Variants in CELF2 observed in about 807,000 individuals in gnomAD.
The protein encoded by CELF2 is CUG triplet repeat RNA-binding protein 2.
In CELF2, 8 loss-of-function variants were observed where a neutral mutation model predicts 62.6. The ratio of observed to expected loss-of-function variants is 0.13; its 90% confidence interval spans 0.07 to 0.23. The LOEUF (loss-of-function observed/expected upper bound fraction) is 0.23. CELF2 is among the 10% of genes least tolerant of loss of function. CELF2 has a pLI of 1.00. For missense variants in CELF2, 333 were observed against 671.0 expected (o/e 0.50, Z 5.56); for synonymous variants, 258 against 250.0 (o/e 1.03, Z -0.30).
intron 2 of CELF2, chr10:10,920,031 C>T (rs1272055049): frequency 4.9e-6 from 6 of 1,220,972 alleles, no homozygotes; most frequent in East Asian, 3.2e-5. Context: ...ATTCTATGCC[C>T]GATTTCTTAT....
chr10:10,754,259 C>T, the CELF2 span, among the ~76,000 whole-genome samples: 3 of 151,892 alleles, frequency 2.0e-5, no homozygotes, highest in Non-Finnish European at 4.4e-5. Context: ...ATCCTCCCAC[C>T]TCTGCCTCCC....
intron 1 of CELF2, among the ~76,000 whole-genome samples, chr10:11,025,732 G>A (rs954555103): frequency 6.6e-6 from 1 of 152,136 alleles, no homozygotes; most frequent in African/African-American, 2.4e-5. Flanking sequence ...TTGTGTTTTT[G>A]GATTATTACC....
At chr10:10,858,515 A>C (rs1335046504) in intron 1 of CELF2, among the ~76,000 whole-genome samples, 1 of 152,104 alleles carries the variant, frequency 6.6e-6, no homozygotes, top group Non-Finnish European at 1.5e-5. Context: ...ATCCTATCTA[A>C]ATACCCCTTT....
chr10:11,216,993 T>C (rs1254888820), intron 2 of CELF2, among the ~76,000 whole-genome samples: 2 of 152,254 alleles, frequency 1.3e-5, no homozygotes, highest in Non-Finnish European at 2.9e-5. Flanking sequence ...GTCTGAAGCT[T>C]TGAGTTTAGA....
intron 2 of CELF2, among the ~76,000 whole-genome samples, chr10:11,173,810 G>A (rs1387574195): frequency 6.6e-6 from 1 of 152,124 alleles, no homozygotes; most frequent in Non-Finnish European, 1.5e-5. Context: ...TATGATCTTC[G>A]AAACCATTGG....
intron 1 of CELF2, among the ~76,000 whole-genome samples, chr10:11,064,672 C>G (rs375268380): frequency 6.6e-6 from 1 of 152,066 alleles, no homozygotes; most frequent in Non-Finnish European, 1.5e-5. Context: ...CCAATCTCTT[C>G]CCCACCCCCC....
chr10:10,557,630 T>G, the CELF2 span, among the ~76,000 whole-genome samples: 8 of 152,212 alleles, frequency 5.3e-5, no homozygotes, highest in East Asian at 1.9e-4. Context: ...TGGGCAGTAT[T>G]GCCATTTTCA....
rs1233137263 is a variant in CELF2 at position 11,285,778 on chromosome 10, CTGTT to C, written c.842-2632_842-2629del. Among the ~76,000 whole-genome samples, 6 of 151,610 alleles carry C rather than the reference CTGTT, an allele frequency of 4.0e-5. No homozygotes were observed. The highest frequency in any genetic ancestry group is 2.1e-4 in the South Asian group (1 of 4,814). On this transcript the variant is annotated intron_variant, in intron 8 of 12. Coordinates refer to ENST00000633077, the MANE Select transcript of CELF2 (RefSeq NM_001326342.2). This position sits in a 1 kb window ranked among gnomAD's most constrained non-coding sequence, Gnocchi z 4.3. Reference sequence around the variant, plus strand: ...GTAAATGTCAAACTTGTCTGTTACCCTGTTTGTTTGTCTTACATAGATTTGCTCA... The same window carrying C: ...GTAAATGTCAAACTTGTCTGTTACCCTGTTTGTCTTACATAGATTTGCTCA...
chr10:10,619,800 G>A, the CELF2 span, among the ~76,000 whole-genome samples: 1 of 152,156 alleles, frequency 6.6e-6, no homozygotes, highest in African/African-American at 2.4e-5. Flanking sequence ...GACCCCATGG[G>A]CTTACATACC....
intron 9 of CELF2, among the ~76,000 whole-genome samples, chr10:11,291,963 T>A (rs1046075158): frequency 6.6e-6 from 1 of 152,246 alleles, no homozygotes; most frequent in Non-Finnish European, 1.5e-5. Flanking sequence ...CCACTGAACT[T>A]CTTCTGTCTT....
chr10:10,904,821 A>T (rs772576380), intron 1 of CELF2, among the ~76,000 whole-genome samples: 9 of 152,214 alleles, frequency 5.9e-5, no homozygotes, highest in Non-Finnish European at 1.0e-4. Context: ...ATGTGCATAT[A>T]TACACCTTTG....
chr10:11,054,489 T>TTGTGTGTGTGTG (rs35465939), intron 1 of CELF2, among the ~76,000 whole-genome samples: 45 of 149,582 alleles, frequency 3.0e-4, no homozygotes, highest in East Asian at 2.4e-3. Context: ...GTATGTGTGT[T>TTGTGTGTGTGTG]TGTGTGTGTG....
intron 1 of CELF2, among the ~76,000 whole-genome samples, chr10:11,058,492 AGTCTTGTTCT>A (rs2065905960): frequency 1.0e-5 from 1 of 97,918 alleles, no homozygotes; most frequent in South Asian, 3.8e-4. Context: ...TTTGTGATGG[AGTCTTGTTCT>A]GTCACCCAGG....
Position 11,318,417 on chromosome 10 carries a change from G to C in CELF2, c.1097-2772G>C. 1 of 283,088 alleles carries C rather than the reference G, an allele frequency of 3.5e-6. No homozygotes were observed. Among genetic ancestry groups the C allele is most frequent in the Non-Finnish European group, 6.9e-6 (1 of 144,746 alleles). The allele number at this position is 283,088 out of a possible 1,614,324, so 17.5% of individuals were successfully genotyped here. A position where few individuals can be genotyped will look rare whatever the true frequency, so the allele number is the denominator to read the frequency against. On this transcript the variant is annotated intron_variant, in intron 10 of 12. Coordinates refer to ENST00000633077, the MANE Select transcript of CELF2 (RefSeq NM_001326342.2). The surrounding 1 kb of genome is among the most constrained non-coding windows in gnomAD (Gnocchi z 5.4). ...TTGAGCATCTGCATCCCTTGCTCAT[G>C]GTACCGCCTCTGCCACCTCCCCAGG...
At chr10:11,088,807 C>T (rs1001229359) in intron 1 of CELF2, among the ~76,000 whole-genome samples, 3 of 152,182 alleles carry the variant, frequency 2.0e-5, no homozygotes, top group African/African-American at 7.2e-5. Context: ...CTGGGAGCCT[C>T]AGCTGGAAGA....
chr10:11,026,136 A>T (rs548841866), intron 1 of CELF2, among the ~76,000 whole-genome samples: 1 of 152,324 alleles, frequency 6.6e-6, no homozygotes, highest in Admixed American at 6.5e-5. Flanking sequence ...ATGCAGACAC[A>T]TACGGTCCTC....
intron 3 of CELF2, among the ~76,000 whole-genome samples, chr10:11,218,163 G>A (rs1211754917): frequency 2.0e-5 from 3 of 152,156 alleles, no homozygotes; most frequent in Non-Finnish European, 4.4e-5. Context: ...GGATTTTGTG[G>A]CACTTTTATG....
chr10:10,780,756 G>A, the CELF2 span, among the ~76,000 whole-genome samples: 3 of 152,230 alleles, frequency 2.0e-5, no homozygotes, highest in South Asian at 2.1e-4. Context: ...TGGGATTACA[G>A]GCATGAGCCA....
chr10:10,812,847 C>T (rs1039166077), intron 1 of CELF2, among the ~76,000 whole-genome samples: 2 of 152,172 alleles, frequency 1.3e-5, no homozygotes, highest in African/African-American at 4.8e-5. Context: ...CTGATTCAAT[C>T]TGGTGTCCTC....
Sources: allele counts gnomAD v4.1 joint callset (sites outside exome capture counted in the v4.1 genomes callset), GRCh38; gene constraint gnomAD v4.1.1; non-coding constraint Gnocchi (gnomAD v3.1); transcripts MANE v1.5; gene names NCBI Gene and HGNC (gene_info 2026-07-23, HGNC 2026-07-21).